Variants in PIWIL2 observed in about 807,000 individuals in gnomAD.
The protein encoded by PIWIL2 is piwi like RNA-mediated gene silencing 2.
A neutral mutation model predicts 116.5 loss-of-function variants in PIWIL2; 81 were observed. The observed-to-expected ratio is 0.70, with a 90% CI of 0.58 to 0.84. PIWIL2 has a LOEUF of 0.84. Ranked by LOEUF, PIWIL2 falls within the 40% of genes least tolerant of loss-of-function variation. The probability of loss-of-function intolerance (pLI) is 0.00; values close to 1 mark genes in which losing one functional copy is unlikely to be tolerated. For missense variants in PIWIL2, 1,272 were observed against 1,212.3 expected (o/e 1.05, Z -0.73); for synonymous variants, 489 against 429.5 (o/e 1.14, Z -1.71).
intron 10 of PIWIL2, among the ~76,000 whole-genome samples, chr8:22,301,677 T>G (rs1351219633): frequency 6.6e-6 from 1 of 152,166 alleles, no homozygotes; most frequent in Non-Finnish European, 1.5e-5. Flanking sequence ...TTGGTTTTGT[T>G]GTCATATCCA....
chr8:22,307,081 G>A (rs953159257), intron 13 of PIWIL2, among the ~76,000 whole-genome samples: 2 of 152,234 alleles, frequency 1.3e-5, no homozygotes, highest in African/African-American at 4.8e-5. Context: ...TGACTAGTAT[G>A]CTATGGCATA....
At chr8:22,295,199 A>G (rs1403651550) in intron 10 of PIWIL2, among the ~76,000 whole-genome samples, 2 of 151,658 alleles carry the variant, frequency 1.3e-5, no homozygotes, top group African/African-American at 4.8e-5. Flanking sequence ...GTCTCATTTC[A>G]TGGCCCAGAC....
chr8:22,353,327 G>A, intron 21 of PIWIL2, 115 bp downstream of exon 21: 1 of 908,314 alleles, frequency 1.1e-6, no homozygotes, highest in South Asian at 1.7e-5. Context: ...ATCTCAGAGA[G>A]GCTACCGTTA....
rs190265669 is a variant in PIWIL2, at chr8:22,337,379, T to G, written c.2404-15580T>G. ...AGAATGATCAATCCAAAAATGGAAT[T>G]CAGAAAACAATTTATGATTGCATAA... is the stretch of plus-strand genomic sequence containing the variant. On this transcript the variant is annotated intron_variant, in intron 20 of 22. Transcript: ENST00000356766. Among the ~76,000 whole-genome samples the G allele has an allele frequency of 2.6e-5, 4 of 152,188 alleles. No homozygotes were observed. The East Asian group carries it at 5.8e-4, about 22-fold the overall frequency.
chr8:22,324,509 A>C (rs1831679186), intron 20 of PIWIL2, among the ~76,000 whole-genome samples: 1 of 152,080 alleles, frequency 6.6e-6, no homozygotes, highest in African/African-American at 2.4e-5. Context: ...GGTTTTCTCT[A>C]CTACTAGGCA....
intron 20 of PIWIL2, among the ~76,000 whole-genome samples, chr8:22,340,124 C>T (rs1379753849): frequency 2.1e-5 from 3 of 142,806 alleles, no homozygotes. Flanking sequence ...GCAATCTCAG[C>T]TCACCGCAAC....
chr8:22,313,448 C>G lies in PIWIL2; in HGVS notation c.1990-880C>G, dbSNP rs552071013. On this transcript the variant is annotated intron_variant, in intron 16 of 22. Coordinates refer to ENST00000356766, the MANE Select transcript of PIWIL2 (RefSeq NM_018068.5). ...TCCTATGTTTAAATGTTAATTTAAACAAACATAAACACTTTTAAGTCATTG... is the reference window on the plus strand; with the variant it reads ...TCCTATGTTTAAATGTTAATTTAAAGAAACATAAACACTTTTAAGTCATTG... Among the ~76,000 whole-genome samples the G allele has an allele frequency of 4.6e-5, 7 of 152,304 alleles. No homozygotes were observed. The South Asian group carries it at 1.4e-3, about 32-fold the overall frequency.
chr8:22,331,504 C>T (rs1831861656), intron 20 of PIWIL2, among the ~76,000 whole-genome samples: 1 of 151,952 alleles, frequency 6.6e-6, no homozygotes, highest in Non-Finnish European at 1.5e-5. Flanking sequence ...ATGACTTTTA[C>T]CTAAATTCTT....
chr8:22,328,827 T>G lies in PIWIL2; in HGVS notation c.2403+10552T>G, dbSNP rs897507197. Among the ~76,000 whole-genome samples the G allele has an allele frequency of 2.0e-5, 3 of 151,024 alleles. 1 individual carries two copies. On this transcript the variant is annotated intron_variant, in intron 20 of 22. Coordinates refer to ENST00000356766, the MANE Select transcript of PIWIL2 (RefSeq NM_018068.5). ...GTTATGAGCTCTAGTCGTTTTTTTTTTTTTTTTTTTAATTCTTTGGGATTT... is the reference window on the plus strand; with the variant it reads ...GTTATGAGCTCTAGTCGTTTTTTTTGTTTTTTTTTTAATTCTTTGGGATTT...
Position 22,318,186 on chromosome 8 carries a change from T to G in PIWIL2, c.2314T>G (p.Tyr772Asp). The G allele has an allele frequency of 1.2e-6, 2 of 1,611,592 alleles. No individual in the cohort carries two copies. The highest frequency in any genetic ancestry group is 1.7e-6 in the Non-Finnish European group (2 of 1,177,760). The change falls in exon 20 of 23, where the codon TAT becomes GAT. Residue 772 changes from tyrosine (Y) to aspartate (D), a missense_variant. Physicochemically the swap from Tyr to Asp is radical, Grantham distance 160. Coordinates refer to ENST00000356766, the MANE Select transcript of PIWIL2 (RefSeq NM_018068.5). Reference sequence around the variant, plus strand: ...TGACCCTAGCACCCTCACAAAATGGTATTCCCGGGTGGTGTTCCAGATGCC... The same window carrying G: ...TGACCCTAGCACCCTCACAAAATGGGATTCCCGGGTGGTGTTCCAGATGCC... Reference protein sequence around the residue: ...ASINLTLTKWYSRVVFQMPHQ... With the variant: ...ASINLTLTKWDSRVVFQMPHQ...
intron 20 of PIWIL2, among the ~76,000 whole-genome samples, chr8:22,324,978 C>G (rs1010869797): frequency 6.6e-6 from 1 of 152,166 alleles, no homozygotes; most frequent in Non-Finnish European, 1.5e-5. Context: ...CTTCTAGCCT[C>G]CAGAACTGTG....
chr8:22,336,306 G>T (rs888910563), intron 20 of PIWIL2, among the ~76,000 whole-genome samples: 1 of 152,066 alleles, frequency 6.6e-6, no homozygotes. Flanking sequence ...ACAATAGAAT[G>T]AAATTTGAAA....
chr8:22,288,298 C>G (rs199747542), intron 7 of PIWIL2, among the ~76,000 whole-genome samples: 1 of 102,252 alleles, frequency 9.8e-6, no homozygotes, highest in Non-Finnish European at 1.9e-5. Flanking sequence ...ACTCTGTCTC[C>G]AAAAAAAAAA....
Position 22,329,126 on chromosome 8 carries a change from T to TA in PIWIL2, c.2403+10853dup, listed in dbSNP as rs531076884. Among the ~76,000 whole-genome samples the TA allele has an allele frequency of 7.5e-3, 1,142 of 152,286 alleles. 4 individuals carry two copies. The highest frequency in any genetic ancestry group is 0.011 in the Non-Finnish European group (772 of 68,028). Reference sequence around the variant, plus strand: ...TTTTCATAAATTTCCTTTATCATGTTAAGAAAGTTTCTGCTCCTAATTTGC... The same window carrying TA: ...TTTTCATAAATTTCCTTTATCATGTTAAAGAAAGTTTCTGCTCCTAATTTGC... On this transcript the variant is annotated intron_variant, in intron 20 of 22. Coordinates refer to ENST00000356766, the MANE Select transcript of PIWIL2 (RefSeq NM_018068.5).
chr8:22,295,034 G>A (rs549689907), intron 10 of PIWIL2, among the ~76,000 whole-genome samples: 13 of 151,824 alleles, frequency 8.6e-5, no homozygotes, highest in African/African-American at 1.2e-4. Context: ...AGCCGAGATC[G>A]TGCCAGTGTA....
chr8:22,289,886 CTT>C lies in PIWIL2; in HGVS notation c.1029_1030del (p.Phe343LeufsTer2). 1 of 1,612,582 alleles carries C rather than the reference CTT, an allele frequency of 6.2e-7. No individual in the cohort carries two copies. Among genetic ancestry groups the C allele is most frequent in the East Asian group, 2.2e-5 (1 of 44,856 alleles). ...TAGATATGAAGCTTGTGGGGAGAAA[CTT>C]TTATGACCCTACAAGTGCTATGGTA... is the stretch of plus-strand genomic sequence containing the variant. ...LLDMKLVGRN[F>X]YDPTSAMVLQ... On this transcript the variant is annotated frameshift_variant, in exon 9 of 23. Transcript: ENST00000356766. LOFTEE classifies it high-confidence loss of function.
chr8:22,300,768 C>T (rs1831027279), intron 10 of PIWIL2, among the ~76,000 whole-genome samples: 1 of 152,072 alleles, frequency 6.6e-6, no homozygotes, highest in Non-Finnish European at 1.5e-5. Flanking sequence ...AGCATCTTTT[C>T]CTGTGTGTAC....
Position 22,281,106 on chromosome 8 carries a change from T to C in PIWIL2, c.199-14T>C. ...AAACTACCTCTTAGAACTTTATTCT[T>C]TGACTTTCCACAGGAGTCTGTGGGT... On this transcript the variant is annotated splice_polypyrimidine_tract_variant and intron_variant, in intron 2 of 22. Transcript: ENST00000356766. The C allele has an allele frequency of 1.3e-6, 2 of 1,578,720 alleles. No homozygotes were observed. Among genetic ancestry groups the C allele is most frequent in the Non-Finnish European group, 1.7e-6 (2 of 1,158,030 alleles).
chr8:22,352,162 C>T (rs1164446919), intron 20 of PIWIL2, among the ~76,000 whole-genome samples: 1 of 152,174 alleles, frequency 6.6e-6, no homozygotes, highest in Non-Finnish European at 1.5e-5. Context: ...CCAGGCTGGT[C>T]TTGAACTCCT....
Sources: gnomAD v4.1 joint callset for allele counts (sites outside exome capture counted in the v4.1 genomes callset) on GRCh38, gnomAD v4.1.1 for gene constraint, MANE v1.5 for transcripts, NCBI Gene and HGNC (gene_info 2026-07-23, HGNC 2026-07-21) for gene names.